The following FRYL variants were observed in gnomAD, a reference collection of about 807,000 sequenced individuals.
FRYL encodes the protein protein furry homolog-like.
Under a neutral mutation model 351.2 loss-of-function variants are expected in FRYL, and 150 were observed. The ratio of observed to expected loss-of-function variants is 0.43; its 90% CI spans 0.37 to 0.49. FRYL has a LOEUF of 0.49. FRYL is among the 20% of genes least tolerant of loss of function. The pLI is 0.00. For synonymous variants in FRYL, 1,153 were observed against 1,257.1 expected (o/e 0.92, Z 1.75); for missense variants, 3,036 against 3,619.3 (o/e 0.84, Z 4.13).
intron 27 of FRYL, among the ~76,000 whole-genome samples, chr4:48,568,886 A>G (rs138159969): frequency 1.9e-4 from 29 of 152,186 alleles, no homozygotes; most frequent in Non-Finnish European, 3.8e-4. Flanking sequence ...ATTACCTTCT[A>G]TGTGTCAGGC....
At chr4:48,598,814 G>C in intron 13 of FRYL, 4 of 979,552 alleles carry the variant, frequency 4.1e-6, no homozygotes, top group Non-Finnish European at 4.9e-6. Context: ...ACTTTGTAAT[G>C]TCGACACAAC....
chr4:48,595,739 C>T, intron 14 of FRYL, 41 bp from the exon 15 acceptor site: 1 of 1,354,468 alleles, frequency 7.4e-7, no homozygotes, highest in Non-Finnish European at 1.0e-6. Context: ...ATCATAACAT[C>T]AACAGCATAT....
intron 1 of FRYL, among the ~76,000 whole-genome samples, chr4:48,735,237 T>C (rs62309752): frequency 1.1e-5 from 1 of 89,482 alleles, no homozygotes; most frequent in Non-Finnish European, 2.2e-5. Flanking sequence ...TCATCACTGG[T>C]CATCAGAGAA....
At chr4:48,720,125 G>GACC in intron 1 of FRYL, among the ~76,000 whole-genome samples, 1 of 148,732 alleles carries the variant, frequency 6.7e-6, no homozygotes, top group African/African-American at 2.5e-5. Flanking sequence ...ACTCCAGCCT[G>GACC]GTGACAAAGA....
At chr4:48,745,620 G>C (rs1160636108) in intron 1 of FRYL, among the ~76,000 whole-genome samples, 6 of 152,070 alleles carry the variant, frequency 3.9e-5, no homozygotes, top group African/African-American at 1.4e-4. Flanking sequence ...GGGGGAGTGG[G>C]GAAGGATAGC....
At chr4:48,721,794 C>T (rs1223357634) in intron 1 of FRYL, among the ~76,000 whole-genome samples, 1 of 152,128 alleles carries the variant, frequency 6.6e-6, no homozygotes, top group East Asian at 1.9e-4. Context: ...GCACCCGCCA[C>T]CACACCCGGC....
intron 3 of FRYL, among the ~76,000 whole-genome samples, chr4:48,651,303 G>C (rs1453345720): frequency 1.4e-5 from 2 of 139,370 alleles, no homozygotes; most frequent in Non-Finnish European, 3.1e-5. Context: ...GTGTGTGTGT[G>C]TGTGTGTGTG....
intron 3 of FRYL, among the ~76,000 whole-genome samples, chr4:48,651,267 G>T: frequency 7.4e-6 from 1 of 134,972 alleles, no homozygotes; most frequent in Admixed American, 7.6e-5. Context: ...TGTAGTGGTA[G>T]AAACAGGATC....
intron 1 of FRYL, among the ~76,000 whole-genome samples, chr4:48,758,557 C>T (rs1468463110): frequency 1.3e-5 from 2 of 152,112 alleles, no homozygotes; most frequent in Non-Finnish European, 2.9e-5. Context: ...GTTAGAATGG[C>T]GATCACTAAA....
intron 3 of FRYL, among the ~76,000 whole-genome samples, chr4:48,670,890 T>C (rs1762545121): frequency 6.6e-6 from 1 of 152,218 alleles, no homozygotes; most frequent in Non-Finnish European, 1.5e-5. Flanking sequence ...CTGTTGTGAA[T>C]AGTGCTGCAA....
chr4:48,655,574 A>G (rs1328324436), intron 3 of FRYL, among the ~76,000 whole-genome samples: 2 of 150,658 alleles, frequency 1.3e-5, no homozygotes, highest in Non-Finnish European at 3.0e-5. Flanking sequence ...TCATAATACA[A>G]TCCTCTTTTC....
chr4:48,768,132 C>T (rs1440354222), intron 1 of FRYL, among the ~76,000 whole-genome samples: 1 of 152,196 alleles, frequency 6.6e-6, no homozygotes, highest in East Asian at 1.9e-4. Context: ...GGCAGTTGCA[C>T]ACCCTGAGGG....
intron 3 of FRYL, among the ~76,000 whole-genome samples, chr4:48,677,335 A>C (rs1763872606): frequency 1.3e-5 from 2 of 152,198 alleles, no homozygotes; most frequent in Non-Finnish European, 1.5e-5. Context: ...ATTCTCTCAC[A>C]AACGTACAAC....
chr4:48,760,974 G>A (rs1560367291), intron 1 of FRYL, among the ~76,000 whole-genome samples: 2 of 150,342 alleles, frequency 1.3e-5, no homozygotes, highest in Non-Finnish European at 3.0e-5. Context: ...CACCGCCCCC[G>A]GCCACCCTCG....
At chr4:48,541,085 CTT>C (rs1730044368) in intron 45 of FRYL, 125 bp from the exon 46 acceptor site, 2 of 897,848 alleles carry the variant, frequency 2.2e-6, no homozygotes, top group African/African-American at 1.7e-5. Context: ...GTATATCTGA[CTT>C]TGTTGAATCA....
intron 1 of FRYL, among the ~76,000 whole-genome samples, chr4:48,718,280 A>G (rs1206292783): frequency 1.3e-5 from 2 of 151,692 alleles, no homozygotes; most frequent in African/African-American, 4.8e-5. Flanking sequence ...AAATCATGTA[A>G]TTTAATTAAG....
chr4:48,658,627 G>A (rs1377478674), intron 3 of FRYL, among the ~76,000 whole-genome samples: 1 of 148,816 alleles, frequency 6.7e-6, no homozygotes, highest in African/African-American at 2.5e-5. Context: ...GGTGGCAGCC[G>A]CTTGCAGTTC....
intron 1 of FRYL, among the ~76,000 whole-genome samples, chr4:48,762,243 C>CA (rs1774493854): frequency 1.3e-5 from 2 of 152,142 alleles, no homozygotes; most frequent in Non-Finnish European, 2.9e-5. Flanking sequence ...AGACATTCCC[C>CA]AAAGTGTAAT....
intron 23 of FRYL, 83 bp downstream of exon 23, chr4:48,578,890 A>G: frequency 8.3e-7 from 1 of 1,207,132 alleles, no homozygotes; most frequent in Non-Finnish European, 1.2e-6. Context: ...TCCAATCTGT[A>G]ATACTTTTGA....
Sources: allele counts gnomAD v4.1 joint callset (sites outside exome capture counted in the v4.1 genomes callset), GRCh38; gene constraint gnomAD v4.1.1; transcripts MANE v1.5; gene names NCBI Gene and HGNC (gene_info 2026-07-23, HGNC 2026-07-21).